RGS6: variants seen among roughly 807,000 people sequenced by gnomAD.
RGS6 encodes regulator of G-protein signaling 6.
Under a neutral mutation model 78.5 loss-of-function variants are expected in RGS6, and 30 were observed. The observed-to-expected ratio is 0.38, with a 90% CI of 0.29 to 0.52. The LOEUF is 0.52. RGS6 is among the 20% of genes least tolerant of loss of function. RGS6 has a pLI of 0.85. For missense variants in RGS6, 495 were observed against 609.7 expected (o/e 0.81, Z 1.98); for synonymous variants, 206 against 206.0 (o/e 1.00, Z 0.00).
intron 12 of RGS6, among the ~76,000 whole-genome samples, chr14:72,487,947 G>T (rs974975998): frequency 5.9e-5 from 9 of 152,066 alleles, no homozygotes; most frequent in Admixed American, 3.9e-4. Context: ...GCATCTCCGA[G>T]CACCCCGCTG....
chr14:72,629,605 G>A, the RGS6 span: 1 of 1,531,098 alleles, frequency 6.5e-7, no homozygotes, highest in Non-Finnish European at 8.8e-7. Context: ...CCCTCCCACA[G>A]GGAAAGCCCC....
At chr14:72,099,247 C>T (rs1205736961) in intron 2 of RGS6, among the ~76,000 whole-genome samples, 1 of 152,068 alleles carries the variant, frequency 6.6e-6, no homozygotes, top group African/African-American at 2.4e-5. Flanking sequence ...GCAAGCTCTG[C>T]CTCCTGGGTT....
At chr14:71,956,739 C>T (rs570397423) in intron 1 of RGS6, among the ~76,000 whole-genome samples, 1 of 152,176 alleles carries the variant, frequency 6.6e-6, no homozygotes, top group African/African-American at 2.4e-5. Flanking sequence ...ACAGACACAC[C>T]CAGGATCAAT....
chr14:72,116,963 C>CAAAAAA (rs56397216), intron 2 of RGS6, among the ~76,000 whole-genome samples: 6 of 78,332 alleles, frequency 7.7e-5, no homozygotes, highest in South Asian at 4.9e-4. Context: ...GACTCCATCT[C>CAAAAAA]AAAAAAAAAA....
At chr14:72,070,130 A>ATT (rs1165377790) in intron 2 of RGS6, among the ~76,000 whole-genome samples, 2 of 151,252 alleles carry the variant, frequency 1.3e-5, no homozygotes, top group African/African-American at 4.9e-5. Flanking sequence ...ATTGTGCTTT[A>ATT]TTTCTCTCTC....
intron 2 of RGS6, among the ~76,000 whole-genome samples, chr14:72,284,909 AAGG>A (rs1277870779): frequency 3.9e-5 from 6 of 152,224 alleles, no homozygotes; most frequent in Non-Finnish European, 8.8e-5. Context: ...CACAGAGTCA[AAGG>A]AGATCATTTT....
chr14:71,905,208 C>G, the RGS6 span, among the ~76,000 whole-genome samples: 1 of 152,198 alleles, frequency 6.6e-6, no homozygotes, highest in Non-Finnish European at 1.5e-5. Flanking sequence ...ATAAAGAGAG[C>G]TACACGGACT....
chr14:72,432,816 AT>A (rs1218705538), intron 3 of RGS6, among the ~76,000 whole-genome samples: 2 of 152,214 alleles, frequency 1.3e-5, no homozygotes, highest in Non-Finnish European at 2.9e-5. Flanking sequence ...CCCCAGGACC[AT>A]GTTTCTAAGA....
At chr14:72,459,210 C>T (rs560441970) in intron 5 of RGS6, among the ~76,000 whole-genome samples, 3 of 152,156 alleles carry the variant, frequency 2.0e-5, no homozygotes, top group Non-Finnish European at 4.4e-5. Context: ...CAGATCCTTC[C>T]GTAGAGGGAA....
chr14:72,454,414 C>T, intron 3 of RGS6, 114 bp from the exon 4 acceptor site: 1 of 1,087,854 alleles, frequency 9.2e-7, no homozygotes, highest in Non-Finnish European at 1.4e-6. Flanking sequence ...CCATATTATC[C>T]TGCTCTACAG....
Position 72,440,049 on chromosome 14 carries a change from G to A in RGS6, c.185-14479G>A, listed in dbSNP as rs528659457. Among the ~76,000 whole-genome samples the A allele has an allele frequency of 4.6e-5, 7 of 152,278 alleles. No homozygotes were observed. In the East Asian group the frequency reaches 1.3e-3, roughly 29 times the overall value. On this transcript the variant is annotated intron_variant, in intron 3 of 17. Coordinates refer to ENST00000553525, the MANE Select transcript of RGS6 (RefSeq NM_001204424.2). ...CCCTCCCCAGCTGTGGCATTTCGGG[G>A]CCCTGTTAGCATCCACGTGATGCTG...
chr14:72,608,322 A>C, the RGS6 span, among the ~76,000 whole-genome samples: 1 of 152,166 alleles, frequency 6.6e-6, no homozygotes, highest in East Asian at 1.9e-4. Flanking sequence ...TCCCGCATGG[A>C]CCAGGAGTCC....
intron 2 of RGS6, among the ~76,000 whole-genome samples, chr14:72,160,543 C>A (rs1237851786): frequency 6.6e-6 from 1 of 152,132 alleles, no homozygotes; most frequent in Non-Finnish European, 1.5e-5. Context: ...AAGTCCTAAC[C>A]CCCAGTATCT....
chr14:72,563,097 T>A lies in RGS6; in HGVS notation c.*630T>A, dbSNP rs1418526460. On this transcript the variant is annotated 3_prime_UTR_variant, in exon 18 of 18. Transcript: ENST00000553525. Reference sequence around the variant, plus strand: ...GCCCCGCCTCAAGGTCTTTCCACCCTCTTTGAGATCAGCGTTCGGAGAGGT... The same window carrying A: ...GCCCCGCCTCAAGGTCTTTCCACCCACTTTGAGATCAGCGTTCGGAGAGGT... 5.5e-6 allele frequency: 2 copies of A among 362,440 alleles called. No individual in the cohort carries two copies. Among genetic ancestry groups the A allele is most frequent in the Admixed American group, 3.7e-5 (1 of 26,924 alleles). 22.5% of individuals were successfully genotyped at this position (362,440 alleles called of 1,614,324 possible).
chr14:72,458,805 A>G (rs2095701130), intron 5 of RGS6, among the ~76,000 whole-genome samples: 1 of 152,164 alleles, frequency 6.6e-6, no homozygotes, highest in African/African-American at 2.4e-5. Flanking sequence ...CCTGGGGCTT[A>G]TATCAGACCT....
intron 3 of RGS6, among the ~76,000 whole-genome samples, chr14:72,415,921 G>A (rs139274902): frequency 4.6e-5 from 7 of 152,150 alleles, no homozygotes; most frequent in African/African-American, 1.2e-4. Context: ...AGGCCAAGGC[G>A]GGCAGATCAT....
chr14:72,361,296 T>A (rs2081409961), intron 3 of RGS6, among the ~76,000 whole-genome samples: 1 of 152,116 alleles, frequency 6.6e-6, no homozygotes, highest in Admixed American at 6.6e-5. Context: ...AGTTTGAGGT[T>A]ATAATAGATC....
chr14:72,233,115 C>A (rs1029296513), intron 2 of RGS6, among the ~76,000 whole-genome samples: 14 of 152,310 alleles, frequency 9.2e-5, no homozygotes, highest in Non-Finnish European at 1.6e-4. Flanking sequence ...GAGCAGGCCC[C>A]AGAAGGTCCT....
At chr14:72,407,628 GA>G (rs1404211696) in intron 3 of RGS6, among the ~76,000 whole-genome samples, 1 of 152,212 alleles carries the variant, frequency 6.6e-6, no homozygotes, top group Non-Finnish European at 1.5e-5. Context: ...TAAACCGGGA[GA>G]GGCTTCTAAA....
Sources: gnomAD v4.1 joint callset for allele counts (sites outside exome capture counted in the v4.1 genomes callset) on GRCh38, gnomAD v4.1.1 for gene constraint, MANE v1.5 for transcripts, NCBI Gene and HGNC (gene_info 2026-07-23, HGNC 2026-07-21) for gene names.